KLF13: variants seen among roughly 807,000 people sequenced by gnomAD.
The protein encoded by KLF13 is Krueppel-like factor 13.
A neutral mutation model predicts 16.7 loss-of-function variants in KLF13; 8 were observed. That is an observed-to-expected ratio of 0.48 (90% CI 0.28 to 0.87). The LOEUF (loss-of-function observed/expected upper bound fraction) is 0.87, where lower values mean the gene tolerates loss of function less well. KLF13 is among the 40% of genes least tolerant of loss of function. The pLI, the probability that KLF13 is intolerant of heterozygous loss-of-function variation, is 0.10. For missense variants in KLF13, 447 were observed against 452.2 expected, an observed-to-expected ratio of 0.99 and a Z score of 0.10; for synonymous variants, 245 against 208.4, an observed-to-expected ratio of 1.18 and a Z score of -1.51.
chr15:31,361,414 G>A lies in KLF13; in HGVS notation c.578-10596G>A, dbSNP rs375683691. On this transcript the variant is annotated intron_variant, in intron 1 of 1. Transcript: ENST00000307145. ...CAACACTTTCCTGTCTTCCGGGTTG[G>A]TAGAGTCAGATGAGCCCAGTGCAGG... Among the ~76,000 whole-genome samples, 20 of 152,318 alleles carry A rather than the reference G, an allele frequency of 1.3e-4. No homozygotes were observed. In the East Asian group the frequency reaches 3.7e-3, roughly 28 times the overall value.
chr15:31,383,317 GCT>G (rs2039751004), intron 1 of KLF13, among the ~76,000 whole-genome samples: 2 of 152,186 alleles, frequency 1.3e-5, no homozygotes, highest in Non-Finnish European at 2.9e-5. Flanking sequence ...GCTCTGCAGT[GCT>G]CTCCCACCGT....
intron 1 of KLF13, among the ~76,000 whole-genome samples, chr15:31,363,358 A>G (rs1446187592): frequency 6.6e-6 from 1 of 152,116 alleles, no homozygotes; most frequent in East Asian, 1.9e-4. Flanking sequence ...CTCTTTCTGT[A>G]TTGGAGATTA....
intron 1 of KLF13, among the ~76,000 whole-genome samples, chr15:31,346,946 C>T (rs966167851): frequency 6.6e-6 from 1 of 152,082 alleles, no homozygotes; most frequent in African/African-American, 2.4e-5. Flanking sequence ...AGCGTAGGGT[C>T]CTGAGTCTGG....
chr15:31,368,829 T>C (rs1048674276), intron 1 of KLF13, among the ~76,000 whole-genome samples: 12 of 151,886 alleles, frequency 7.9e-5, no homozygotes, highest in African/African-American at 2.9e-4. Flanking sequence ...ATTAGATAGA[T>C]AGATAGATAG....
downstream of KLF13, among the ~76,000 whole-genome samples, chr15:31,381,270 C>T (rs1433608806): frequency 6.6e-6 from 1 of 151,942 alleles, no homozygotes; most frequent in African/African-American, 2.4e-5. Context: ...TCTCTTGCAG[C>T]TCTGGAGGTC....
rs554374141 is a variant in KLF13 at position 31,372,334 on chromosome 15, C to A, written c.*35C>A. Reference sequence around the variant, plus strand: ...AGCCATGAGCAGCCGCTCCCACCCCCTCGTGAGTCCCTGGCCTTTCCTTTT... The same window carrying A: ...AGCCATGAGCAGCCGCTCCCACCCCATCGTGAGTCCCTGGCCTTTCCTTTT... On this transcript the variant is annotated 3_prime_UTR_variant, in exon 2 of 2. Coordinates refer to ENST00000307145, the MANE Select transcript of KLF13 (RefSeq NM_015995.4). 7 of 1,433,118 alleles carry A rather than the reference C, an allele frequency of 4.9e-6. No homozygotes were observed. Among genetic ancestry groups the A allele is most frequent in the Non-Finnish European group, 6.4e-6 (7 of 1,097,220 alleles). 88.8% of individuals were successfully genotyped at this position (1,433,118 alleles called of 1,614,324 possible). A position where few individuals can be genotyped will look rare whatever the true frequency, so the allele number is the denominator to read the frequency against.
At chr15:31,412,170 C>T (rs1397614726) in intron 1 of KLF13, among the ~76,000 whole-genome samples, 1 of 152,198 alleles carries the variant, frequency 6.6e-6, no homozygotes, top group Non-Finnish European at 1.5e-5. Flanking sequence ...TTGTTTGCTT[C>T]TTTCACCATG....
At chr15:31,397,017 A>C (rs1479852664) in intron 2 of KLF13, among the ~76,000 whole-genome samples, 2 of 152,038 alleles carry the variant, frequency 1.3e-5, no homozygotes, top group African/African-American at 2.4e-5. Context: ...ATAATTTTGC[A>C]GTGGTGGTTT....
Position 31,402,708 on chromosome 15 carries a change from C to T in KLF13, n.530-720C>T, listed in dbSNP as rs576380510. Among the ~76,000 whole-genome samples, 3 of 152,300 alleles carry T rather than the reference C, an allele frequency of 2.0e-5. No individual in the cohort carries two copies. In the East Asian group the frequency reaches 5.8e-4, roughly 29 times the overall value. ...AGCCTGGGGAGGCAGGCTCAGTGTTCTCAGCTTATCACCAGACACTCAGTT... is the reference window on the plus strand; with the variant it reads ...AGCCTGGGGAGGCAGGCTCAGTGTTTTCAGCTTATCACCAGACACTCAGTT... On this transcript the variant is annotated intron_variant and non_coding_transcript_variant, in intron 2 of 2. Transcript: ENST00000500533.
intron 1 of KLF13, chr15:31,340,062 T>G (rs2038996535): frequency 2.8e-6 from 2 of 702,164 alleles, no homozygotes. Flanking sequence ...GTGGGTGGTG[T>G]GTCCTGTGAG....
chr15:31,360,405 A>C (rs574899543), intron 1 of KLF13, among the ~76,000 whole-genome samples: 2 of 152,324 alleles, frequency 1.3e-5, no homozygotes, highest in South Asian at 4.1e-4. Flanking sequence ...AGGCTGCGAC[A>C]AGCCTGAGCA....
intron 1 of KLF13, chr15:31,420,239 G>A (rs762600995): frequency 7.5e-6 from 5 of 666,288 alleles, no homozygotes; most frequent in Admixed American, 3.7e-5. Context: ...ACTACAGCAG[G>A]AGCTGATGAC....
chr15:31,371,029 A>ATGG (rs1246283050), intron 1 of KLF13, among the ~76,000 whole-genome samples: 24 of 151,952 alleles, frequency 1.6e-4, no homozygotes, highest in Admixed American at 1.2e-3. Flanking sequence ...TAGGGTCTGT[A>ATGG]TGGGGGTGAG....
intron 2 of KLF13, among the ~76,000 whole-genome samples, chr15:31,397,001 T>A (rs952910896): frequency 2.6e-5 from 4 of 152,072 alleles, no homozygotes; most frequent in African/African-American, 9.7e-5. Context: ...GTTCACTGTC[T>A]GGGTTATAAT....
At chr15:31,410,582 AACACAC>A (rs71110871) in intron 1 of KLF13, among the ~76,000 whole-genome samples, 6,797 of 146,818 alleles carry the variant, frequency 0.046, 332 homozygotes, top group African/African-American at 0.13. Context: ...AACACCAACC[AACACAC>A]ACACACACAC....
In KLF13 at chr15:31,347,158, G is replaced by A. The variant is rs573194428; in HGVS notation, c.577+19369G>A. Reference sequence around the variant, plus strand: ...GGACACCCTCCTGGGATCAGCAGGCGTTCCCCCCTCCATTGCTCTGCTGGT... The same window carrying A: ...GGACACCCTCCTGGGATCAGCAGGCATTCCCCCCTCCATTGCTCTGCTGGT... On this transcript the variant is annotated intron_variant, in intron 1 of 1. Coordinates refer to ENST00000307145, the MANE Select transcript of KLF13 (RefSeq NM_015995.4). 4.6e-5 allele frequency among the ~76,000 whole-genome samples: 7 copies of A among 152,312 alleles called. No individual in the cohort carries two copies. In the East Asian group the frequency reaches 9.6e-4, roughly 21 times the overall value.
intron 1 of KLF13, among the ~76,000 whole-genome samples, chr15:31,362,542 G>A (rs2039405668): frequency 6.6e-6 from 1 of 152,226 alleles, no homozygotes; most frequent in Non-Finnish European, 1.5e-5. Context: ...TGCCCAGAGT[G>A]TTGAATGTCT....
At chr15:31,408,085 TG>T (rs1468619547), downstream of KLF13, among the ~76,000 whole-genome samples, 3 of 152,232 alleles carry the variant, frequency 2.0e-5, no homozygotes, top group African/African-American at 7.2e-5. Context: ...GAACTATCTC[TG>T]TTTGCAGATG....
intron 1 of KLF13, among the ~76,000 whole-genome samples, chr15:31,332,339 T>G (rs1004508953): frequency 6.6e-6 from 1 of 152,230 alleles, no homozygotes; most frequent in Non-Finnish European, 1.5e-5. Context: ...GTGAGAACAT[T>G]GAGAACGTTT....
Sources: allele counts gnomAD v4.1 joint callset (sites outside exome capture counted in the v4.1 genomes callset), GRCh38; gene constraint gnomAD v4.1.1; transcripts MANE v1.5; gene names NCBI Gene and HGNC (gene_info 2026-07-23, HGNC 2026-07-21).